The following EXOSC10 variants were observed in gnomAD, a reference collection of about 807,000 sequenced individuals.
EXOSC10 encodes exosome component 10.
In EXOSC10, 94 loss-of-function variants were observed where a neutral mutation model predicts 126.6. That is an observed-to-expected ratio of 0.74 (90% confidence interval 0.63 to 0.88). The LOEUF is 0.88. Ranked by LOEUF, EXOSC10 falls within the 40% of genes least tolerant of loss-of-function variation. EXOSC10 has a pLI of 0.00. For missense variants in EXOSC10, 1,041 were observed against 1,100.5 expected, an observed-to-expected ratio of 0.95 and a Z score of 0.77; for synonymous variants, 395 against 400.8, an observed-to-expected ratio of 0.99 and a Z score of 0.17.
intron 1 of EXOSC10, among the ~76,000 whole-genome samples, chr1:11,098,516 A>G (rs1641242273): frequency 6.6e-6 from 1 of 152,240 alleles, no homozygotes; most frequent in Non-Finnish European, 1.5e-5. Context: ...GAAAAATAAA[A>G]AGGGCCTGCA....
intron 7 of EXOSC10, 100 bp from the exon 8 acceptor site, chr1:11,088,010 A>G (rs1478594049): frequency 1.8e-5 from 22 of 1,241,458 alleles, no homozygotes; most frequent in Non-Finnish European, 2.4e-5. Context: ...CCAAAACTGT[A>G]ACTTTCTCCC....
chr1:11,085,225 G>A (rs1162419566), intron 9 of EXOSC10, among the ~76,000 whole-genome samples: 2 of 152,150 alleles, frequency 1.3e-5, no homozygotes, highest in African/African-American at 4.8e-5. Context: ...GGACAGTATG[G>A]CCATTTTCAC....
chr1:11,067,844 G>C (rs900346827), intron 24 of EXOSC10, among the ~76,000 whole-genome samples, 164 bp downstream of exon 24: 5 of 152,064 alleles, frequency 3.3e-5, no homozygotes, highest in African/African-American at 1.2e-4. Context: ...TCCCGCCCTT[G>C]TTTTCCGAGT....
chr1:11,081,107 T>C lies in EXOSC10; in HGVS notation c.1412A>G (p.Gln471Arg). 6.2e-7 allele frequency: 1 copy of C among 1,614,200 alleles called. No homozygotes were observed. The highest frequency in any genetic ancestry group is 8.5e-7 in the Non-Finnish European group (1 of 1,180,028). The change falls in exon 11 of 25, where the codon CAA becomes CGA. Residue 471 changes from glutamine (Q) to arginine (R), a missense_variant. By Grantham distance (43) the Gln-to-Arg change is conservative. This residue lies in a region of EXOSC10 where 645 missense variants were observed against 656.3 expected (regional missense o/e 0.98). Transcript: ENST00000376936. ...GQPVQLQVVW[Q>R]RSRDICLKKF... is the part of the protein sequence containing the mutation. Reference sequence around the variant, plus strand: ...CTTGAGGCAGATGTCCCTGCTCCGTTGCCACACCACCTGCAGCTGCACCGG... The same window carrying C: ...CTTGAGGCAGATGTCCCTGCTCCGTCGCCACACCACCTGCAGCTGCACCGG...
chr1:11,091,469 C>G (rs1640801637), intron 4 of EXOSC10, 24 bp downstream of exon 4: 1 of 1,589,356 alleles, frequency 6.3e-7, no homozygotes, highest in Non-Finnish European at 8.6e-7. Context: ...ATCAAGAGCT[C>G]TAGTTAATCT....
intron 1 of EXOSC10, 142 bp from the exon 2 acceptor site, chr1:11,098,298 A>T (rs1464300667): frequency 2.0e-6 from 2 of 1,009,282 alleles, no homozygotes; most frequent in South Asian, 2.0e-5. Context: ...CCCCAATCTA[A>T]TCTAGGCCCT....
At chr1:11,069,454 T>C (rs1639323719) in intron 22 of EXOSC10, 105 bp downstream of exon 22, 1 of 1,274,000 alleles carries the variant, frequency 7.8e-7, no homozygotes, top group Admixed American at 2.2e-5. Flanking sequence ...GCTAGCACCA[T>C]GCCTTGTGCA....
At chr1:11,070,673 A>C in intron 21 of EXOSC10, 1 of 526,256 alleles carries the variant, frequency 1.9e-6, no homozygotes, top group Non-Finnish European at 3.4e-6. Context: ...GTGGTCTGGC[A>C]TATTTACCAT....
intron 2 of EXOSC10, among the ~76,000 whole-genome samples, chr1:11,097,216 C>CAA (rs1355730219): frequency 6.9e-6 from 1 of 145,862 alleles, no homozygotes; most frequent in African/African-American, 2.5e-5. Context: ...TACTCCCCCC[C>CAA]AACAAAAAAA....
intron 9 of EXOSC10, 89 bp from the exon 10 acceptor site, chr1:11,082,967 GA>G: frequency 1.9e-6 from 2 of 1,051,202 alleles, no homozygotes; most frequent in Middle Eastern, 2.2e-4. Context: ...TTAGAACACT[GA>G]AATTAGAAGG....
intron 20 of EXOSC10, 143 bp downstream of exon 20, chr1:11,071,944 A>G: frequency 3.1e-6 from 2 of 653,160 alleles, no homozygotes; most frequent in Admixed American, 2.8e-5. Context: ...GCCAGGATAG[A>G]TACTGATTGC....
At position 11,080,875 on chromosome 1, in the gene EXOSC10, A is replaced by G; in HGVS notation, c.1475T>C (p.Leu492Pro). 6.2e-7 allele frequency: 1 copy of G among 1,612,258 alleles called. No homozygotes were observed. Among genetic ancestry groups the G allele is most frequent in the Non-Finnish European group, 8.5e-7 (1 of 1,179,486 alleles). ...CTTCTTCTGCTTCCTATAGAGTTCA[A>G]GGTAGGACTCATCCGTGAAGATAGG... is the stretch of plus-strand genomic sequence containing the variant. ...IKPIFTDESY[L>P]ELYRKQKKHL... The change falls in exon 12 of 25, where the codon CTT (leucine) becomes CCT (proline). Residue 492 changes from leucine (L) to proline (P), a missense_variant. By Grantham distance (98) the Leu-to-Pro change is moderately conservative (BLOSUM62 -3). Coordinates refer to ENST00000376936, the MANE Select transcript of EXOSC10 (RefSeq NM_001001998.3).
intron 6 of EXOSC10, among the ~76,000 whole-genome samples, chr1:11,090,068 G>A (rs1419540605): frequency 6.7e-6 from 1 of 149,282 alleles, no homozygotes; most frequent in Non-Finnish European, 1.5e-5. Context: ...CGCCATCTTG[G>A]CTCACTGCAA....
chr1:11,091,602 G>C lies in EXOSC10; in HGVS notation c.373-5C>G, dbSNP rs756265182. 8.7e-6 allele frequency: 14 copies of C among 1,607,360 alleles called. No individual in the cohort carries two copies. The highest frequency in any genetic ancestry group is 2.2e-5 in the East Asian group (1 of 44,836). On this transcript the variant is annotated splice_region_variant and splice_polypyrimidine_tract_variant and intron_variant, in intron 3 of 24. Coordinates refer to ENST00000376936, the MANE Select transcript of EXOSC10 (RefSeq NM_001001998.3). ...GGCTTCATCCAGTAAAATACCCTAA[G>C]AGTAGAAGAGGTACTGGTTAAGCAT...
chr1:11,094,802 T>C (rs367881919), intron 3 of EXOSC10, among the ~76,000 whole-genome samples: 39 of 152,018 alleles, frequency 2.6e-4, no homozygotes, highest in African/African-American at 6.8e-4. Flanking sequence ...GGTTTCACCA[T>C]GTTGGCCAGA....
intron 4 of EXOSC10, 49 bp downstream of exon 4, chr1:11,091,444 T>C: frequency 2.0e-6 from 3 of 1,490,668 alleles, no homozygotes; most frequent in Non-Finnish European, 2.8e-6. Context: ...GCAAAATCTC[T>C]GTTATGAAGC....
Position 11,087,783 on chromosome 1 carries a change from G to T in EXOSC10, c.945+17C>A, listed in dbSNP as rs773248516. ...AGAAAAATGTAAAAATTTTACCCAG[G>T]GTCATTTATAAGATACCTCCAAGTC... On this transcript the variant is annotated intron_variant, in intron 8 of 24. Coordinates refer to ENST00000376936, the MANE Select transcript of EXOSC10 (RefSeq NM_001001998.3). 13 of 1,589,582 alleles carry T rather than the reference G, an allele frequency of 8.2e-6. No homozygotes were observed. The Admixed American group carries it at 1.9e-4, about 23-fold the overall frequency.
chr1:11,077,541 T>C (rs1557700723), intron 15 of EXOSC10, 60 bp downstream of exon 15: 1 of 1,608,328 alleles, frequency 6.2e-7, no homozygotes, highest in South Asian at 1.1e-5. Context: ...GAGGTGTACT[T>C]GCACTGGCTG....
intron 3 of EXOSC10, among the ~76,000 whole-genome samples, chr1:11,091,933 G>A (rs907103306): frequency 3.9e-5 from 6 of 152,082 alleles, no homozygotes; most frequent in East Asian, 1.9e-4. Flanking sequence ...CAAGTGATCC[G>A]CCCACCTGAG....
Sources: gnomAD v4.1 joint callset for allele counts (sites outside exome capture counted in the v4.1 genomes callset) on GRCh38, gnomAD v4.1.1 for gene constraint, gnomAD v4.1.1 regional missense constraint, MANE v1.5 for transcripts, NCBI Gene and HGNC (gene_info 2026-07-23, HGNC 2026-07-21) for gene names.